CFTR: variants seen among roughly 807,000 people sequenced by gnomAD.
CFTR encodes the protein cystic fibrosis transmembrane conductance regulator.
A neutral mutation model predicts 171.6 loss-of-function variants in CFTR; 181 were observed. That is an observed-to-expected ratio of 1.05 (90% CI 0.93 to 1.19). CFTR has a LOEUF of 1.19. Among genes scored for constraint, CFTR ranks in the 50% most tolerant of loss-of-function variants. CFTR has a pLI of 0.00. For missense variants in CFTR, 1,968 were observed against 1,734.7 expected (o/e 1.13, Z -2.39); for synonymous variants, 583 against 608.0 (o/e 0.96, Z 0.60).
chr7:117,581,348 T>G (rs539751590), intron 11 of CFTR, among the ~76,000 whole-genome samples: 63 of 152,292 alleles, frequency 4.1e-4, no homozygotes, highest in Non-Finnish European at 6.8e-4. Context: ...TATGATGATA[T>G]GCTAATAAAA....
chr7:117,529,547 T>A (rs11770639), intron 3 of CFTR, among the ~76,000 whole-genome samples: 34,348 of 150,890 alleles, frequency 0.23, 4,209 homozygotes, highest in East Asian at 0.42. Context: ...GAATGTTTTC[T>A]TGCATTCAGA....
At chr7:117,610,978 G>A (rs1792376819) in intron 19 of CFTR, among the ~76,000 whole-genome samples, 1 of 152,102 alleles carries the variant, frequency 6.6e-6, no homozygotes, top group Non-Finnish European at 1.5e-5. Context: ...AACAAGGATA[G>A]TGCTGCTATT....
rs397508195 is a variant in CFTR at position 117,548,797 on chromosome 7, G to C, written c.1366G>C (p.Val456Leu). Residue 456 changes from valine to leucine, a missense_variant, in exon 10 of 27, where the codon GTT (valine) becomes CTT (leucine). By Grantham distance (32) the Val-to-Leu change is conservative. Transcript: ENST00000003084. ...GATAGAAAGAGGACAGTTGTTGGCG[G>C]TTGCTGGATCCACTGGAGCAGGCAA... ...FKIERGQLLAVAGSTGAGKTS... is the reference protein window; with the variant it reads ...FKIERGQLLALAGSTGAGKTS... 1 of 1,610,768 alleles carries C rather than the reference G, an allele frequency of 6.2e-7. No individual in the cohort carries two copies. The highest frequency in any genetic ancestry group is 1.3e-5 in the African/African-American group (1 of 74,798).
At chr7:117,662,704 T>A (rs147629068) in intron 24 of CFTR, among the ~76,000 whole-genome samples, 26 of 152,242 alleles carry the variant, frequency 1.7e-4, no homozygotes, top group African/African-American at 6.0e-4. Context: ...TTTGACTAAT[T>A]GAGATTTGTA....
At chr7:117,483,624 A>C (rs1298669337) in intron 1 of CFTR, among the ~76,000 whole-genome samples, 1 of 152,140 alleles carries the variant, frequency 6.6e-6, no homozygotes, top group African/African-American at 2.4e-5. Context: ...CAGTGACACA[A>C]TCATAACTCA....
At chr7:117,533,172 G>A (rs760486416) in intron 4 of CFTR, among the ~76,000 whole-genome samples, 1 of 152,094 alleles carries the variant, frequency 6.6e-6, no homozygotes, top group Admixed American at 6.6e-5. Flanking sequence ...AAAGTCACTC[G>A]AGATTAAGCC....
At chr7:117,643,087 G>A (rs1792946106) in intron 23 of CFTR, among the ~76,000 whole-genome samples, 1 of 152,052 alleles carries the variant, frequency 6.6e-6, no homozygotes, top group Admixed American at 6.6e-5. Flanking sequence ...ATGTCACTCT[G>A]ATTTGGTCAC....
At chr7:117,539,979 G>A in intron 7 of CFTR, 121 bp from the exon 8 acceptor site, 1 of 795,452 alleles carries the variant, frequency 1.3e-6, no homozygotes, top group Non-Finnish European at 2.1e-6. Context: ...ATGATGTGGA[G>A]CCAGGTTAAA....
In CFTR at chr7:117,664,787, T is replaced by G. The variant is rs753830751; in HGVS notation, c.4063T>G (p.Cys1355Gly). 3 of 1,614,078 alleles carry G rather than the reference T, an allele frequency of 1.9e-6. No individual in the cohort carries two copies. The Admixed American group carries it at 5.0e-5, about 27-fold the overall frequency. ...AAGCCATGGCCACAAGCAGTTGATG[T>G]GCTTGGCTAGATCTGTTCTCAGTAA... ...VLSHGHKQLM[C>G]LARSVLSKAK... Residue 1355 changes from cysteine to glycine, a missense_variant, in exon 25 of 27, where the codon TGC becomes GGC. Physicochemically the swap from Cys to Gly is radical, Grantham distance 159. Coordinates refer to ENST00000003084, the MANE Select transcript of CFTR (RefSeq NM_000492.4).
At chr7:117,553,132 G>A (rs1331793894) in intron 10 of CFTR, among the ~76,000 whole-genome samples, 1 of 151,892 alleles carries the variant, frequency 6.6e-6, no homozygotes, top group African/African-American at 2.4e-5. Context: ...CCTTGATCTT[G>A]GACTTCCCAG....
In CFTR at chr7:117,536,576, AGACTTGT is replaced by A; in HGVS notation, c.775_781del (p.Val260ProfsTer4). 6.2e-7 allele frequency: 1 copy of A among 1,602,532 alleles called. No individual in the cohort carries two copies. ...TCAGAGAGCTGGGAAGATCAGTGAA[AGACTTGT>A]GATTACCTCAGAAATGATTGAAAAT... On this transcript the variant is annotated frameshift_variant, in exon 7 of 27. Coordinates refer to ENST00000003084, the MANE Select transcript of CFTR (RefSeq NM_000492.4). LOFTEE classifies it high-confidence loss of function.
chr7:117,531,124 C>G lies in CFTR; in HGVS notation c.489+10C>G, dbSNP rs1447914513. 7 of 1,582,280 alleles carry G rather than the reference C, an allele frequency of 4.4e-6. No individual in the cohort carries two copies. Among genetic ancestry groups the G allele is most frequent in the Non-Finnish European group, 6.1e-6 (7 of 1,153,192 alleles). On this transcript the variant is annotated intron_variant, in intron 4 of 26. Transcript: ENST00000003084. ...TTTGATTTATAAGAAGGTAATACTT[C>G]CTTGCACAGGCCCCATGGCACATAT... is the stretch of plus-strand genomic sequence containing the variant.
intron 16 of CFTR, among the ~76,000 whole-genome samples, chr7:117,603,230 T>C (rs1792251858): frequency 6.6e-6 from 1 of 152,218 alleles, no homozygotes; most frequent in Non-Finnish European, 1.5e-5. Flanking sequence ...TCCTGCAGTT[T>C]CTAAAGAATA....
At chr7:117,603,833 C>T in intron 17 of CFTR, 51 bp downstream of exon 17, 1 of 1,603,662 alleles carries the variant, frequency 6.2e-7, no homozygotes, top group East Asian at 2.2e-5. Context: ...ATCAATAGGG[C>T]CTGTGGTTTT....
At chr7:117,588,056 T>C (rs1279363384) in intron 12 of CFTR, among the ~76,000 whole-genome samples, 1 of 152,138 alleles carries the variant, frequency 6.6e-6, no homozygotes, top group African/African-American at 2.4e-5. Context: ...GCCCGTATCT[T>C]GGTGTCAGTG....
chr7:117,618,552 G>A (rs181299587), intron 21 of CFTR, among the ~76,000 whole-genome samples: 2 of 152,054 alleles, frequency 1.3e-5, no homozygotes, highest in Admixed American at 1.3e-4. Flanking sequence ...TGTGTCTCTA[G>A]TTTAGACCTC....
chr7:117,509,508 T>A (rs928070897), intron 3 of CFTR, among the ~76,000 whole-genome samples: 1 of 152,132 alleles, frequency 6.6e-6, no homozygotes, highest in Admixed American at 6.5e-5. Flanking sequence ...CAGAATTAGG[T>A]CAAATGCAGC....
intron 3 of CFTR, among the ~76,000 whole-genome samples, chr7:117,522,254 C>G (rs1246727952): frequency 6.6e-6 from 1 of 152,144 alleles, no homozygotes; most frequent in Non-Finnish European, 1.5e-5. Context: ...GACAATTACC[C>G]AAGGAATTCT....
chr7:117,576,804 A>G (rs1391285285), intron 11 of CFTR, among the ~76,000 whole-genome samples: 4 of 152,074 alleles, frequency 2.6e-5, no homozygotes, highest in Non-Finnish European at 2.9e-5. Context: ...GTTGTCCTCT[A>G]TACCCTCACT....
Sources: gnomAD v4.1 joint callset for allele counts (sites outside exome capture counted in the v4.1 genomes callset) on GRCh38, gnomAD v4.1.1 for gene constraint, MANE v1.5 for transcripts, NCBI Gene and HGNC (gene_info 2026-07-23, HGNC 2026-07-21) for gene names.